Variants in GPLD1 observed in about 807,000 individuals in gnomAD.
The protein encoded by GPLD1 is glycosylphosphatidylinositol specific phospholipase D1.
In GPLD1, 84 loss-of-function variants were observed where a neutral mutation model predicts 112.6. That is an observed-to-expected ratio of 0.75 (90% CI 0.63 to 0.89). GPLD1 has a LOEUF of 0.89. Among genes scored for constraint, GPLD1 ranks in the 40% least tolerant of loss-of-function variants. The pLI is 0.00. For synonymous variants in GPLD1, 386 were observed against 403.8 expected (o/e 0.96, Z 0.53); for missense variants, 1,044 against 1,051.5 (o/e 0.99, Z 0.10).
At chr6:24,446,358 A>AAT (rs894627628) in intron 18 of GPLD1, among the ~76,000 whole-genome samples, 2 of 151,148 alleles carry the variant, frequency 1.3e-5, no homozygotes, top group Non-Finnish European at 3.0e-5. Context: ...TTAAAAAAAA[A>AAT]AATTAGCTAG....
At chr6:24,474,174 TACACACACACACACACACAC>T (rs56324939) in intron 5 of GPLD1, among the ~76,000 whole-genome samples, 32 of 145,642 alleles carry the variant, frequency 2.2e-4, no homozygotes, top group African/African-American at 7.6e-4. Context: ...CACACCCACA[TACACACACACACACACACAC>T]ACACACACAC....
At chr6:24,447,070 A>G (rs1445385036) in intron 17 of GPLD1, 91 bp from the exon 18 acceptor site, 2 of 1,226,656 alleles carry the variant, frequency 1.6e-6, no homozygotes, top group African/African-American at 3.0e-5. Context: ...GCCTAATAGA[A>G]GTGGGTTCAT....
chr6:24,453,084 T>A (rs1763145247), intron 14 of GPLD1, among the ~76,000 whole-genome samples: 1 of 151,932 alleles, frequency 6.6e-6, no homozygotes, highest in Non-Finnish European at 1.5e-5. Context: ...ACCCTAGCGC[T>A]CTCGGGAGGA....
intron 3 of GPLD1, among the ~76,000 whole-genome samples, chr6:24,478,855 C>T (rs190268777): frequency 2.0e-4 from 31 of 152,258 alleles, no homozygotes; most frequent in African/African-American, 7.2e-4. Context: ...GGTGCCCTTA[C>T]TAAGCTCCTC....
downstream of GPLD1, chr6:24,425,078 T>A (rs1762185307): frequency 6.6e-6 from 1 of 152,244 alleles, no homozygotes; most frequent in South Asian, 2.1e-4. Context: ...CGCGTCATGG[T>A]GTTCTTGTCG....
At chr6:24,485,786 C>T (rs776332381) in intron 2 of GPLD1, among the ~76,000 whole-genome samples, 2 of 151,964 alleles carry the variant, frequency 1.3e-5, no homozygotes, top group Non-Finnish European at 2.9e-5. Context: ...TCTCCTGCCT[C>T]AGCCTCCCGA....
At chr6:24,483,623 C>A (rs1764274574) in intron 2 of GPLD1, among the ~76,000 whole-genome samples, 1 of 151,646 alleles carries the variant, frequency 6.6e-6, no homozygotes, top group East Asian at 2.0e-4. Context: ...GGTGAGATCA[C>A]ACCACTGCAC....
chr6:24,475,006 G>T, intron 5 of GPLD1, 115 bp downstream of exon 5: 1 of 626,986 alleles, frequency 1.6e-6, no homozygotes, highest in Non-Finnish European at 2.9e-6. Context: ...ACACTGCTTT[G>T]GGCAGAAGTC....
Position 24,426,904 on chromosome 6 carries a change from G to C in GPLD1, c.*2128C>G, listed in dbSNP as rs542791462. ...GCAGCTAGCACATGTACCTCTTCCA[G>C]AAAAATGAGGTCATCCTGGGAGTGA... On this transcript the variant is annotated 3_prime_UTR_variant, in exon 25 of 25. Coordinates refer to ENST00000230036, the MANE Select transcript of GPLD1 (RefSeq NM_001503.4). 7.7e-4 allele frequency among the ~76,000 whole-genome samples: 117 copies of C among 152,292 alleles called. No homozygotes were observed. Among genetic ancestry groups the C allele is most frequent in the African/African-American group, 2.7e-3 (113 of 41,570 alleles).
intron 7 of GPLD1, among the ~76,000 whole-genome samples, chr6:24,471,537 T>C (rs148268825): frequency 6.6e-6 from 1 of 152,238 alleles, no homozygotes; most frequent in African/African-American, 2.4e-5. Flanking sequence ...GGGGAGACTA[T>C]TGATAAATCA....
intron 14 of GPLD1, among the ~76,000 whole-genome samples, chr6:24,453,335 T>C (rs573687064): frequency 4.0e-4 from 61 of 152,342 alleles, no homozygotes; most frequent in African/African-American, 1.1e-3. Flanking sequence ...TTATACCTTT[T>C]CTGTGAATCT....
intron 1 of GPLD1, among the ~76,000 whole-genome samples, chr6:24,487,142 T>C (rs1308056952): frequency 7.0e-6 from 1 of 142,034 alleles, no homozygotes; most frequent in Non-Finnish European, 1.5e-5. Flanking sequence ...ACTATAAGCA[T>C]TAATATCATA....
chr6:24,450,730 A>C (rs1298077441), intron 14 of GPLD1, among the ~76,000 whole-genome samples: 1 of 152,140 alleles, frequency 6.6e-6, no homozygotes, highest in Non-Finnish European at 1.5e-5. Context: ...TAATCCCAGC[A>C]CTTTGGGAGG....
intron 20 of GPLD1, 59 bp from the exon 21 acceptor site, chr6:24,437,348 A>G: frequency 1.4e-6 from 2 of 1,471,248 alleles, no homozygotes; most frequent in Non-Finnish European, 1.9e-6. Flanking sequence ...CAGAACACGG[A>G]ATAGCACCCC....
Position 24,467,032 on chromosome 6 carries a change from C to T in GPLD1, c.654-93G>A. ...AGAAAAAGTTCCATCCACCCTTTTC[C>T]ACCGTCATGCAACTGCCTTTGAATA... On this transcript the variant is annotated intron_variant, in intron 8 of 24. Transcript: ENST00000230036. 3 of 1,185,982 alleles carry T rather than the reference C, an allele frequency of 2.5e-6. No homozygotes were observed. In the South Asian group the frequency reaches 3.7e-5, roughly 15 times the overall value. 73.5% of individuals were successfully genotyped at this position (1,185,982 alleles called of 1,614,324 possible). A position where few individuals can be genotyped will look rare whatever the true frequency, so the allele number is the denominator to read the frequency against.
intron 2 of GPLD1, among the ~76,000 whole-genome samples, chr6:24,484,016 C>T (rs1323209252): frequency 6.6e-6 from 1 of 151,918 alleles, no homozygotes; most frequent in Non-Finnish European, 1.5e-5. Flanking sequence ...CCCGGGTTCA[C>T]GCCATTCTCC....
At position 24,445,759 on chromosome 6, in the gene GPLD1, G is replaced by A. The variant is rs370530696; in HGVS notation, c.1893C>T (p.Asn631=). Residue 631 remains asparagine, a synonymous_variant, in exon 19 of 25, where the codon AAC becomes AAT. Coordinates refer to ENST00000230036, the MANE Select transcript of GPLD1 (RefSeq NM_001503.4). The part of the protein sequence containing the change: ...LGRVYGYFPP[N]GQSWFTISGD... ...CAGAAATGGTAAACCAGCTTTGGCC[G>A]TTTGGTGGGAAGTAGCCATACACCC... The A allele has an allele frequency of 1.4e-5, 22 of 1,613,578 alleles. No individual in the cohort carries two copies. The highest frequency in any genetic ancestry group is 6.7e-5 in the East Asian group (3 of 44,888).
intron 22 of GPLD1, among the ~76,000 whole-genome samples, chr6:24,434,592 T>G (rs1762510014): frequency 6.6e-6 from 1 of 152,050 alleles, no homozygotes; most frequent in South Asian, 2.1e-4. Flanking sequence ...AATTTTTTTA[T>G]TTTAAGACAG....
At chr6:24,461,533 AG>A (rs1479373681) in intron 11 of GPLD1, among the ~76,000 whole-genome samples, 1 of 152,086 alleles carries the variant, frequency 6.6e-6, no homozygotes, top group Non-Finnish European at 1.5e-5. Flanking sequence ...CACTTCTTCA[AG>A]GAGAGCTCTT....
Sources: allele counts gnomAD v4.1 joint callset (sites outside exome capture counted in the v4.1 genomes callset), GRCh38; gene constraint gnomAD v4.1.1; transcripts MANE v1.5; gene names NCBI Gene and HGNC (gene_info 2026-07-23, HGNC 2026-07-21).